Variants in MAST2 observed in about 807,000 individuals in gnomAD.
MAST2 encodes the protein microtubule associated serine/threonine kinase 2.
MAST2 carries 70 observed loss-of-function variants against 147.4 expected under a neutral mutation model. The observed-to-expected ratio is 0.47, with a 90% CI of 0.39 to 0.58. MAST2 has a LOEUF of 0.58. Among genes scored for constraint, MAST2 ranks in the 20% least tolerant of loss-of-function variants. The pLI is 0.00. For missense variants in MAST2, 2,080 were observed against 2,302.3 expected (o/e 0.90, Z 1.98); for synonymous variants, 869 against 896.8 (o/e 0.97, Z 0.55).
chr1:45,924,994 A>C (rs1227342104), intron 4 of MAST2, among the ~76,000 whole-genome samples: 1 of 152,220 alleles, frequency 6.6e-6, no homozygotes, highest in Non-Finnish European at 1.5e-5. Flanking sequence ...TAAGTCACCC[A>C]GTTTGTGATA....
At chr1:45,834,327 G>T (rs1183257067) in intron 3 of MAST2, among the ~76,000 whole-genome samples, 1 of 152,158 alleles carries the variant, frequency 6.6e-6, no homozygotes, top group East Asian at 1.9e-4. Flanking sequence ...CTTGACCAGA[G>T]TCTGGAGAAT....
chr1:45,834,942 CTT>C (rs545789885), intron 3 of MAST2, among the ~76,000 whole-genome samples: 1 of 146,514 alleles, frequency 6.8e-6, no homozygotes, highest in Non-Finnish European at 1.5e-5. Context: ...CATTCCCTGT[CTT>C]TTTTTTTTTC....
At chr1:45,992,561 GA>G (rs1162541084) in intron 5 of MAST2, among the ~76,000 whole-genome samples, 14 of 152,090 alleles carry the variant, frequency 9.2e-5, no homozygotes. Context: ...AATGAGTTAG[GA>G]ATCATGTTAC....
chr1:45,971,877 A>G (rs1020188366), intron 5 of MAST2, among the ~76,000 whole-genome samples: 2 of 152,214 alleles, frequency 1.3e-5, no homozygotes, highest in African/African-American at 4.8e-5. Context: ...AATAAACTGT[A>G]TAAATTTTTA....
intron 6 of MAST2, among the ~76,000 whole-genome samples, chr1:46,001,645 A>C (rs535790726): frequency 4.1e-4 from 62 of 152,318 alleles, no homozygotes; most frequent in African/African-American, 1.5e-3. Flanking sequence ...CCAGGGTGGC[A>C]TGAAGTTTGA....
At chr1:45,855,640 T>C (rs1244196273) in intron 3 of MAST2, among the ~76,000 whole-genome samples, 1 of 152,140 alleles carries the variant, frequency 6.6e-6, no homozygotes, top group African/African-American at 2.4e-5. Context: ...ATTTTAAATT[T>C]TAGTTTTTAC....
At chr1:45,851,486 A>C (rs1268153393) in intron 3 of MAST2, among the ~76,000 whole-genome samples, 1 of 152,174 alleles carries the variant, frequency 6.6e-6, no homozygotes, top group Non-Finnish European at 1.5e-5. Flanking sequence ...CTGTGGCTAG[A>C]ACTTCCAGTG....
chr1:46,030,413 C>G, intron 21 of MAST2, 175 bp downstream of exon 21: 1 of 819,786 alleles, frequency 1.2e-6, no homozygotes. Flanking sequence ...TCTAGAACCA[C>G]TGCTGTCCCT....
At chr1:46,007,570 GAC>G (rs1455537299) in intron 8 of MAST2, among the ~76,000 whole-genome samples, 1 of 152,190 alleles carries the variant, frequency 6.6e-6, no homozygotes, top group Non-Finnish European at 1.5e-5. Flanking sequence ...AGGGAAGAAA[GAC>G]AGAGTGGGAC....
intron 5 of MAST2, among the ~76,000 whole-genome samples, chr1:45,973,540 C>T (rs1048942255): frequency 2.0e-5 from 3 of 152,068 alleles, no homozygotes; most frequent in Non-Finnish European, 4.4e-5. Context: ...AAAAATAGGG[C>T]TAGAGATACA....
intron 4 of MAST2, among the ~76,000 whole-genome samples, chr1:45,937,313 T>C (rs952251989): frequency 2.6e-5 from 4 of 152,010 alleles, no homozygotes; most frequent in Non-Finnish European, 4.4e-5. Flanking sequence ...ACTTTTTTTT[T>C]CTAGAAATGG....
chr1:45,915,283 G>A (rs1652297287), intron 4 of MAST2, among the ~76,000 whole-genome samples: 1 of 151,988 alleles, frequency 6.6e-6, no homozygotes, highest in Admixed American at 6.6e-5. Context: ...TACTGACTTT[G>A]AGTTAGAAAA....
At chr1:45,932,847 G>GA (rs2148725297) in intron 4 of MAST2, among the ~76,000 whole-genome samples, 1 of 152,144 alleles carries the variant, frequency 6.6e-6, no homozygotes, top group East Asian at 1.9e-4. Context: ...CATTCTTTGA[G>GA]AACTACGTAA....
intron 4 of MAST2, among the ~76,000 whole-genome samples, chr1:45,952,226 G>T (rs1659031381): frequency 6.6e-6 from 1 of 152,196 alleles, no homozygotes; most frequent in Non-Finnish European, 1.5e-5. Flanking sequence ...GAGAATTTAT[G>T]CATGCCACAA....
chr1:45,853,916 A>G (rs1055145233), intron 3 of MAST2, among the ~76,000 whole-genome samples: 6 of 152,074 alleles, frequency 3.9e-5, no homozygotes, highest in Admixed American at 6.5e-5. Flanking sequence ...ATTTTTGTGT[A>G]TAGTGTGAGT....
At chr1:45,931,289 A>G (rs1655245509) in intron 4 of MAST2, among the ~76,000 whole-genome samples, 1 of 151,436 alleles carries the variant, frequency 6.6e-6, no homozygotes, top group Non-Finnish European at 1.5e-5. Flanking sequence ...GATGTCCTTT[A>G]ATTTGAATTT....
intron 3 of MAST2, among the ~76,000 whole-genome samples, chr1:45,874,684 A>G (rs187837315): frequency 6.6e-6 from 1 of 152,338 alleles, no homozygotes; most frequent in East Asian, 1.9e-4. Context: ...TTTGTTGCCT[A>G]CTAGGCTAGG....
chr1:45,850,531 ATGGTGTTTCCTAGTT>A (rs1414974338), intron 3 of MAST2, among the ~76,000 whole-genome samples: 1 of 145,922 alleles, frequency 6.9e-6, no homozygotes, highest in African/African-American at 2.5e-5. Context: ...AGTGTCTGGA[ATGGTGTTTCCTAGTT>A]TGTTTGTTTG....
At chr1:45,971,354 G>T (rs1178794374) in intron 5 of MAST2, among the ~76,000 whole-genome samples, 3 of 152,216 alleles carry the variant, frequency 2.0e-5, no homozygotes, top group Non-Finnish European at 2.9e-5. Context: ...AGCACTTTGT[G>T]TCCTCAGGAA....
Sources: gnomAD v4.1 joint callset for allele counts (sites outside exome capture counted in the v4.1 genomes callset) on GRCh38, gnomAD v4.1.1 for gene constraint, MANE v1.5 for transcripts, NCBI Gene and HGNC (gene_info 2026-07-23, HGNC 2026-07-21) for gene names.